The following SCN10A variants were observed in gnomAD, a reference collection of about 807,000 sequenced individuals.
SCN10A encodes the protein sodium voltage-gated channel alpha subunit 10.
A neutral mutation model predicts 170.7 loss-of-function variants in SCN10A; 162 were observed. That is an observed-to-expected ratio of 0.95 (90% CI 0.84 to 1.08). The LOEUF (loss-of-function observed/expected upper bound fraction) is 1.08. Among genes scored for constraint, SCN10A ranks in the 50% least tolerant of loss-of-function variants. SCN10A has a pLI of 0.00. For synonymous variants in SCN10A, 985 were observed against 904.6 expected, an observed-to-expected ratio of 1.09 and a Z score of -1.59; for missense variants, 2,527 against 2,436.9, an observed-to-expected ratio of 1.04 and a Z score of -0.78.
chr3:38,785,178 A>G (rs2064183397), intron 4 of SCN10A, among the ~76,000 whole-genome samples: 1 of 152,230 alleles, frequency 6.6e-6, no homozygotes, highest in Non-Finnish European at 1.5e-5. Context: ...AGTCAAGACA[A>G]TTCTAAGCAA....
chr3:38,726,622 A>AG lies in SCN10A; in HGVS notation c.3070_3071insC (p.Val1024AlafsTer32). 6.3e-7 allele frequency: 1 copy of AG among 1,588,734 alleles called. No homozygotes were observed. The highest frequency in any genetic ancestry group is 8.6e-7 in the Non-Finnish European group (1 of 1,161,916). On this transcript the variant is annotated frameshift_variant, in exon 17 of 28. Transcript: ENST00000449082. LOFTEE classifies it high-confidence loss of function. ...AACTCTTACCTGTCCTTTGGGGATCACTTCCTGCTGGAAGCTCTGAGCATC... is the reference window on the plus strand; with the variant it reads ...AACTCTTACCTGTCCTTTGGGGATCAGCTTCCTGCTGGAAGCTCTGAGCATC...
intron 20 of SCN10A, among the ~76,000 whole-genome samples, chr3:38,721,483 G>T (rs912610046): frequency 1.3e-5 from 2 of 152,168 alleles, no homozygotes; most frequent in African/African-American, 2.4e-5. Context: ...CGGAGTAGTT[G>T]AGATTGTGTA....
chr3:38,803,057 C>G (rs1372568812), intron 1 of SCN10A, among the ~76,000 whole-genome samples: 2 of 152,178 alleles, frequency 1.3e-5, no homozygotes, highest in African/African-American at 4.8e-5. Context: ...AAATGCTCAT[C>G]ATCACTGGCC....
chr3:38,780,906 A>G (rs1312227785), intron 4 of SCN10A, among the ~76,000 whole-genome samples: 1 of 152,042 alleles, frequency 6.6e-6, no homozygotes, highest in Non-Finnish European at 1.5e-5. Flanking sequence ...GTGGCTGGCC[A>G]TTGGAAGTTG....
At chr3:38,801,248 T>G (rs1192833990) in intron 1 of SCN10A, among the ~76,000 whole-genome samples, 2 of 152,144 alleles carry the variant, frequency 1.3e-5, no homozygotes, top group Non-Finnish European at 2.9e-5. Context: ...TGAGGTGAAT[T>G]ACTCAAATCC....
At chr3:38,718,930 A>G in intron 20 of SCN10A, 104 bp from the exon 21 acceptor site, 1 of 1,099,414 alleles carries the variant, frequency 9.1e-7, no homozygotes, top group South Asian at 1.6e-5. Context: ...CAGTCCCTGG[A>G]AGGGGATTTG....
intron 4 of SCN10A, among the ~76,000 whole-genome samples, 178 bp downstream of exon 4, chr3:38,788,778 G>C (rs1489477050): frequency 6.6e-6 from 1 of 152,096 alleles, no homozygotes; most frequent in Non-Finnish European, 1.5e-5. Context: ...AATCATGTAT[G>C]TTTATGAAAC....
intron 5 of SCN10A, among the ~76,000 whole-genome samples, chr3:38,768,950 A>T (rs1230633986): frequency 1.3e-5 from 2 of 152,186 alleles, no homozygotes; most frequent in African/African-American, 2.4e-5. Context: ...TCATTTTTTT[A>T]AAAATTCTTT....
rs746803551 is a variant in SCN10A, at chr3:38,709,622, C to T, written c.4144-7G>A. The stretch of plus-strand genomic sequence containing the variant: ...ACTTGGGTTGCATGTTGACCTGTGA[C>T]CAGACAAGGGAGAGTGGGAAGGAGG... On this transcript the variant is annotated splice_region_variant and splice_polypyrimidine_tract_variant and intron_variant, in intron 24 of 27. Coordinates refer to ENST00000449082, the MANE Select transcript of SCN10A (RefSeq NM_006514.4). The T allele has an allele frequency of 1.3e-6, 2 of 1,592,046 alleles. No individual in the cohort carries two copies. The highest frequency in any genetic ancestry group is 1.7e-6 in the Non-Finnish European group (2 of 1,169,182).
chr3:38,739,467 C>G, intron 15 of SCN10A, 48 bp downstream of exon 15: 1 of 1,567,112 alleles, frequency 6.4e-7, no homozygotes, highest in Non-Finnish European at 8.7e-7. Flanking sequence ...AGTGTCTTCC[C>G]TGAATCTGGG....
intron 4 of SCN10A, among the ~76,000 whole-genome samples, chr3:38,787,519 T>C (rs1206540443): frequency 2.6e-5 from 4 of 152,098 alleles, no homozygotes; most frequent in African/African-American, 7.2e-5. Flanking sequence ...CTATGCTGGC[T>C]GAGACCTCCT....
intron 12 of SCN10A, among the ~76,000 whole-genome samples, chr3:38,750,420 C>A (rs892842704): frequency 2.0e-5 from 3 of 152,172 alleles, no homozygotes; most frequent in Non-Finnish European, 4.4e-5. Flanking sequence ...ATAGTGTGGC[C>A]TATTGCTCCT....
Position 38,793,827 on chromosome 3 carries a change from G to C in SCN10A, c.184C>G (p.Gln62Glu), listed in dbSNP as rs1251803173. The change falls in exon 2 of 28, where the codon CAG becomes GAG. Residue 62 changes from glutamine (Q) to glutamate (E), a missense_variant. By Grantham distance (29) the Gln-to-Glu change is conservative (BLOSUM62 2). Coordinates refer to ENST00000449082, the MANE Select transcript of SCN10A (RefSeq NM_006514.4). The stretch of plus-strand genomic sequence containing the variant: ...AGCTCACCATAGAACTTGGGCAGCT[G>C]GTTGCAGGCTTTCAAGTCCAGCTGG... The part of the protein sequence containing the change: ...RPQLDLKACN[Q>E]LPKFYGELPA... 1 of 1,613,890 alleles carries C rather than the reference G, an allele frequency of 6.2e-7. No individual in the cohort carries two copies. Among genetic ancestry groups the C allele is most frequent in the African/African-American group, 1.3e-5 (1 of 74,900 alleles).
At position 38,708,689 on chromosome 3, in the gene SCN10A, T is replaced by C. The variant is rs192684234; in HGVS notation, c.4281+789A>G. On this transcript the variant is annotated intron_variant, in intron 25 of 27. Transcript: ENST00000449082. ...CTTTGTTCAGGATTTTGTTTACCCC[T>C]CACCACAATCCAGAGAGTAGGTATT... is the stretch of plus-strand genomic sequence containing the variant. Among the ~76,000 whole-genome samples the C allele has an allele frequency of 5.3e-5, 8 of 152,314 alleles. No homozygotes were observed. In the East Asian group the frequency reaches 1.4e-3, roughly 26 times the overall value.
chr3:38,704,684 A>G (rs190301922), intron 26 of SCN10A, among the ~76,000 whole-genome samples: 13 of 152,332 alleles, frequency 8.5e-5, no homozygotes, highest in Admixed American at 7.8e-4. Context: ...GGAATCCTTA[A>G]CTTTTCCTAT....
rs1420782164 is a variant in SCN10A at position 38,707,323 on chromosome 3, T to A, written c.4342A>T (p.Lys1448Ter). The change falls in exon 26 of 28, where the codon AAG (lysine) becomes TAG (stop). Residue 1448 changes from lysine (K) to a stop codon, truncating the protein, a stop_gained. Coordinates refer to ENST00000449082, the MANE Select transcript of SCN10A (RefSeq NM_006514.4). LOFTEE classifies it high-confidence loss of function. Reference protein sequence around the residue: ...EQKKYYNAMKKLGSKKPQKPI... With the variant: ...EQKKYYNAMK ...TTCTGGGGCTTCTTGGAGCCCAACT[T>A]CTTCATGGCATTGTAGTATTTCTTC... The A allele has an allele frequency of 2.5e-6, 4 of 1,614,136 alleles. No individual in the cohort carries two copies. The highest frequency in any genetic ancestry group is 2.5e-6 in the Non-Finnish European group (3 of 1,180,010).
chr3:38,767,206 T>C (rs1277671209), intron 5 of SCN10A, among the ~76,000 whole-genome samples: 1 of 151,938 alleles, frequency 6.6e-6, no homozygotes, highest in Non-Finnish European at 1.5e-5. Flanking sequence ...ACTTATCTTT[T>C]GTATTATTAT....
chr3:38,724,123 C>T (rs144379693), intron 18 of SCN10A, among the ~76,000 whole-genome samples: 2 of 152,358 alleles, frequency 1.3e-5, no homozygotes, highest in East Asian at 1.9e-4. Flanking sequence ...ATGACATCCA[C>T]GTGCAGAATG....
rs762616423 is a variant in SCN10A, at chr3:38,702,101, G to A, written c.4395C>T (p.Phe1465=). The A allele has an allele frequency of 2.6e-6, 4 of 1,546,182 alleles. No homozygotes were observed. In the African/African-American group the frequency reaches 5.5e-5, roughly 21 times the overall value. ...TCACGATGTCAAAGACAAAACCCTGGAACTTGTTCTGAGAAAACAAGAGAT... is the reference window on the plus strand; with the variant it reads ...TCACGATGTCAAAGACAAAACCCTGAAACTTGTTCTGAGAAAACAAGAGAT... The part of the protein sequence containing the change: ...QKPIPRPLNK[F]QGFVFDIVTR... The change falls in exon 27 of 28, where the codon TTC becomes TTT. Residue 1465 remains phenylalanine (F), a synonymous_variant. Transcript: ENST00000449082.
Sources: gnomAD v4.1 joint callset for allele counts (sites outside exome capture counted in the v4.1 genomes callset) on GRCh38, gnomAD v4.1.1 for gene constraint, MANE v1.5 for transcripts, NCBI Gene and HGNC (gene_info 2026-07-23, HGNC 2026-07-21) for gene names.